Variants in SLC24A2 observed in about 807,000 individuals in gnomAD.
The protein encoded by SLC24A2 is sodium/potassium/calcium exchanger 2.
Under a neutral mutation model 62.0 loss-of-function variants are expected in SLC24A2, and 36 were observed. That is an observed-to-expected ratio of 0.58 (90% CI 0.44 to 0.77). The LOEUF is 0.77. Ranked by LOEUF, SLC24A2 falls within the 30% of genes least tolerant of loss-of-function variation. The probability of loss-of-function intolerance (pLI) is 0.00; values close to 1 mark genes in which losing one functional copy is unlikely to be tolerated. For missense variants in SLC24A2, 846 were observed against 817.9 expected, an observed-to-expected ratio of 1.03 and a Z score of -0.42; for synonymous variants, 358 against 294.0, an observed-to-expected ratio of 1.22 and a Z score of -2.23.
At chr9:20,050,389 C>G in the SLC24A2 span, among the ~76,000 whole-genome samples, 7 of 152,048 alleles carry the variant, frequency 4.6e-5, no homozygotes, top group Admixed American at 1.3e-4. Context: ...GCACTCTAGC[C>G]TGGATGACAG....
chr9:19,653,335 CT>C (rs1818852716), intron 2 of SLC24A2, among the ~76,000 whole-genome samples: 1 of 152,216 alleles, frequency 6.6e-6, no homozygotes, highest in Non-Finnish European at 1.5e-5. Flanking sequence ...AGTAGTAAGA[CT>C]GTCTTTTCCC....
chr9:19,556,747 T>G (rs1000134839), intron 7 of SLC24A2, among the ~76,000 whole-genome samples: 4 of 152,214 alleles, frequency 2.6e-5, no homozygotes, highest in Non-Finnish European at 5.9e-5. Flanking sequence ...GTATTTTACA[T>G]AAAAACATAA....
the SLC24A2 span, among the ~76,000 whole-genome samples, chr9:20,217,601 C>A: frequency 2.0e-5 from 3 of 152,146 alleles, no homozygotes; most frequent in African/African-American, 4.8e-5. Context: ...ATGGCACACA[C>A]AGGCCATGAT....
At chr9:20,192,671 T>C in the SLC24A2 span, among the ~76,000 whole-genome samples, 1 of 152,170 alleles carries the variant, frequency 6.6e-6, no homozygotes, top group Non-Finnish European at 1.5e-5. Context: ...ATAGAATCAG[T>C]TGGGAAGACT....
the SLC24A2 span, among the ~76,000 whole-genome samples, chr9:20,088,673 C>A: frequency 5.3e-5 from 8 of 152,254 alleles, 1 homozygote; most frequent in African/African-American, 1.9e-4. Flanking sequence ...GAGCAGACCC[C>A]CCCAAAGCAA....
intron 2 of SLC24A2, among the ~76,000 whole-genome samples, chr9:19,735,779 G>A (rs1289712167): frequency 6.7e-6 from 1 of 148,744 alleles, no homozygotes; most frequent in African/African-American, 2.5e-5. Flanking sequence ...AACACCGCAT[G>A]TTCTCATTCA....
chr9:19,647,796 T>G (rs754305813), intron 2 of SLC24A2, among the ~76,000 whole-genome samples: 2 of 152,186 alleles, frequency 1.3e-5, no homozygotes, highest in Non-Finnish European at 2.9e-5. Context: ...TAACTTCTAT[T>G]AGTAGATGAA....
chr9:19,816,888 A>G, the SLC24A2 span, among the ~76,000 whole-genome samples: 1 of 152,234 alleles, frequency 6.6e-6, no homozygotes, highest in East Asian at 1.9e-4. Flanking sequence ...ACTGGGGATT[A>G]CAATTCAACA....
At chr9:19,534,009 AG>A (rs1833833700) in intron 8 of SLC24A2, among the ~76,000 whole-genome samples, 1 of 51,800 alleles carries the variant, frequency 1.9e-5, no homozygotes, top group Admixed American at 2.3e-4. Context: ...AATGTGCAGT[AG>A]CTTTTTTGAT....
the SLC24A2 span, among the ~76,000 whole-genome samples, chr9:20,133,034 G>C: frequency 1.3e-5 from 2 of 152,096 alleles, no homozygotes; most frequent in Non-Finnish European, 2.9e-5. Flanking sequence ...GCTATGAAGA[G>C]ATTTGAATCC....
intron 2 of SLC24A2, among the ~76,000 whole-genome samples, chr9:19,655,003 C>G (rs557471903): frequency 6.6e-6 from 1 of 152,298 alleles, no homozygotes; most frequent in Non-Finnish European, 1.5e-5. Context: ...CAGCCTGTAA[C>G]CTACTTATCA....
At chr9:19,526,247 A>T (rs1833442321) in intron 9 of SLC24A2, among the ~76,000 whole-genome samples, 1 of 152,190 alleles carries the variant, frequency 6.6e-6, no homozygotes, top group Admixed American at 6.5e-5. Flanking sequence ...TTATCCATTC[A>T]TCAGTTGATG....
chr9:19,518,656 G>C (rs1013466663), intron 10 of SLC24A2, among the ~76,000 whole-genome samples: 5 of 152,062 alleles, frequency 3.3e-5, no homozygotes, highest in Non-Finnish European at 7.4e-5. Context: ...TCTTGACCTT[G>C]TGATCCGCCC....
the SLC24A2 span, among the ~76,000 whole-genome samples, chr9:20,235,170 G>A: frequency 1.1e-4 from 16 of 152,338 alleles, no homozygotes; most frequent in Admixed American, 2.0e-4. Context: ...CTACTCGGGG[G>A]TCAGGGACCC....
chr9:19,844,609 T>C, the SLC24A2 span, among the ~76,000 whole-genome samples: 5 of 152,102 alleles, frequency 3.3e-5, no homozygotes, highest in African/African-American at 7.2e-5. Context: ...ATGTCTGGAA[T>C]GGTGTTTCTT....
At chr9:19,897,116 C>T in the SLC24A2 span, among the ~76,000 whole-genome samples, 58 of 152,260 alleles carry the variant, frequency 3.8e-4, 1 homozygote, top group Admixed American at 9.2e-4. Flanking sequence ...AGAGTCCAGT[C>T]GTCATTGGGA....
chr9:19,945,241 C>G, the SLC24A2 span, among the ~76,000 whole-genome samples: 1 of 152,002 alleles, frequency 6.6e-6, no homozygotes, highest in Non-Finnish European at 1.5e-5. Context: ...TGAGCAGGAC[C>G]AGGCTCTTCT....
chr9:19,737,773 G>A (rs1821553359), intron 2 of SLC24A2, among the ~76,000 whole-genome samples: 1 of 151,764 alleles, frequency 6.6e-6, no homozygotes, highest in Non-Finnish European at 1.5e-5. Flanking sequence ...TCAATATTAA[G>A]AAAATATGAC....
At chr9:20,098,937 A>G in the SLC24A2 span, among the ~76,000 whole-genome samples, 16 of 152,192 alleles carry the variant, frequency 1.1e-4, no homozygotes, top group African/African-American at 3.6e-4. Context: ...CTCCTTTCAA[A>G]GTATTGATTT....
Sources: allele counts gnomAD v4.1 joint callset (sites outside exome capture counted in the v4.1 genomes callset), GRCh38; gene constraint gnomAD v4.1.1; transcripts MANE v1.5; gene names NCBI Gene and HGNC (gene_info 2026-07-23, HGNC 2026-07-21).